FAM120C: variants seen among roughly 807,000 people sequenced by gnomAD.
FAM120C encodes the protein constitutive coactivator of PPAR-gamma-like protein 2.
Under a neutral mutation model 71.2 loss-of-function variants are expected in FAM120C, and 14 were observed. The observed-to-expected ratio is 0.20, with a 90% CI of 0.13 to 0.31. The LOEUF is 0.31. FAM120C is among the 10% of genes least tolerant of loss of function. The pLI is 1.00. For synonymous variants in FAM120C, 354 were observed against 353.2 expected (o/e 1.00, Z -0.03); for missense variants, 500 against 879.0 (o/e 0.57, Z 5.45).
intron 1 of FAM120C, among the ~76,000 whole-genome samples, chrX:54,163,704 A>G (rs1329579293): frequency 1.8e-5 from 2 of 111,146 alleles, no homozygotes; most frequent in Admixed American, 1.9e-4. Flanking sequence ...CTAGGATTCA[A>G]ATTCAGCTCT....
intron 1 of FAM120C, among the ~76,000 whole-genome samples, chrX:54,181,496 C>T (rs2067349676): frequency 8.9e-6 from 1 of 112,138 alleles, no homozygotes; most frequent in African/African-American, 3.2e-5. Context: ...TGCTGCCAAG[C>T]TGTTCCCCAG....
intron 10 of FAM120C, among the ~76,000 whole-genome samples, chrX:54,115,479 G>GT (rs1230521498): frequency 8.9e-6 from 1 of 111,973 alleles, no homozygotes; most frequent in Non-Finnish European, 1.9e-5. Flanking sequence ...AATGAAACAC[G>GT]TATTGTTCAC....
chrX:54,169,419 A>T (rs948913053), intron 1 of FAM120C, among the ~76,000 whole-genome samples: 2 of 112,320 alleles, frequency 1.8e-5, no homozygotes, highest in South Asian at 7.3e-4. Flanking sequence ...TAAAAAAAAT[A>T]ACTAGATTGT....
intron 2 of FAM120C, 123 bp from the exon 3 acceptor site, chrX:54,157,894 ATACT>A (rs1283857320): frequency 1.1e-5 from 5 of 472,053 alleles, no homozygotes; most frequent in South Asian, 1.0e-4. Context: ...TCTTAATGTA[ATACT>A]TACAGTAGTT....
At chrX:54,075,072 C>T (rs1286964910) in intron 15 of FAM120C, among the ~76,000 whole-genome samples, 2 of 111,312 alleles carry the variant, frequency 1.8e-5, no homozygotes, top group Admixed American at 9.6e-5. Flanking sequence ...GTGGGAGGAT[C>T]GCTAAAGCTT....
At chrX:54,172,615 A>G (rs1256930122) in intron 1 of FAM120C, among the ~76,000 whole-genome samples, 1 of 112,018 alleles carries the variant, frequency 8.9e-6, no homozygotes, top group Non-Finnish European at 1.9e-5. Flanking sequence ...ACCTGTGATG[A>G]GTCCAAGAGT....
At chrX:54,090,530 C>T (rs1383755056) in intron 11 of FAM120C, among the ~76,000 whole-genome samples, 2 of 110,269 alleles carry the variant, frequency 1.8e-5, no homozygotes, top group African/African-American at 3.3e-5. Flanking sequence ...TTCTCTCTTA[C>T]GTGCCCTCTC....
chrX:54,098,509 T>C (rs782392766), intron 10 of FAM120C, among the ~76,000 whole-genome samples: 7 of 112,297 alleles, frequency 6.2e-5, no homozygotes, highest in Non-Finnish European at 1.1e-4. Flanking sequence ...CTTGTCTTTT[T>C]GATTATAGCA....
chrX:54,112,153 A>C (rs1238668495), intron 10 of FAM120C, among the ~76,000 whole-genome samples: 1 of 112,206 alleles, frequency 8.9e-6, no homozygotes, highest in East Asian at 2.8e-4. Context: ...GTGGTGGCTT[A>C]TGCCTGTAAT....
Position 54,142,036 on chromosome X carries a change from C to T in FAM120C, c.1159-5446G>A, listed in dbSNP as rs186547078. On this transcript the variant is annotated intron_variant, in intron 4 of 15. Transcript: ENST00000375180. ...ATTCATCTATATATTTAATGCGATT[C>T]CAATAAAAATTGCAGCAATATTTCT... Among the ~76,000 whole-genome samples, 17 of 111,825 alleles carry T rather than the reference C, an allele frequency of 1.5e-4. No individual in the cohort carries two copies. The East Asian group carries it at 4.8e-3, about 32-fold the overall frequency.
chrX:54,075,485 CAAGT>C (rs2066730217), intron 15 of FAM120C, among the ~76,000 whole-genome samples: 1 of 111,956 alleles, frequency 8.9e-6, no homozygotes, highest in South Asian at 3.6e-4. Flanking sequence ...CAAAACATTA[CAAGT>C]AAGTGACTTA....
At chrX:54,169,791 T>A (rs1470440828) in intron 1 of FAM120C, among the ~76,000 whole-genome samples, 1 of 112,572 alleles carries the variant, frequency 8.9e-6, no homozygotes, top group Non-Finnish European at 1.9e-5. Flanking sequence ...CAACTGGAAC[T>A]CTAACTACTA....
At chrX:54,090,584 C>T (rs1244386062) in intron 11 of FAM120C, among the ~76,000 whole-genome samples, 2 of 110,734 alleles carry the variant, frequency 1.8e-5, no homozygotes, top group Non-Finnish European at 3.8e-5. Context: ...TTCCCCTCAC[C>T]TTCTATCATG....
chrX:54,088,079 A>G (rs1301989685), intron 11 of FAM120C, 115 bp from the exon 12 acceptor site: 10 of 600,328 alleles, frequency 1.7e-5, no homozygotes, highest in South Asian at 1.5e-4. Flanking sequence ...CTGTCATTCA[A>G]TGTAGACATC....
chrX:54,113,387 G>A lies in FAM120C; in HGVS notation c.2312+3158C>T, dbSNP rs781952025. On this transcript the variant is annotated intron_variant, in intron 10 of 15. Coordinates refer to ENST00000375180, the MANE Select transcript of FAM120C (RefSeq NM_017848.6). ...AGGCAGGAGAACTGCTTGAGGCTGG[G>A]AGGCTGAGGCTGCAGTGAGCCAAGA... Among the ~76,000 whole-genome samples the A allele has an allele frequency of 1.5e-4, 16 of 109,081 alleles. No homozygotes were observed. In the South Asian group the frequency reaches 6.4e-3, roughly 44 times the overall value. 94.7% of individuals were successfully genotyped at this position (109,081 alleles called of 115,157 possible). A position where few individuals can be genotyped will look rare whatever the true frequency, so the allele number is the denominator to read the frequency against.
intron 4 of FAM120C, among the ~76,000 whole-genome samples, chrX:54,138,495 CAAAAAAAAAAAA>C (rs781947470): frequency 2.4e-5 from 1 of 41,031 alleles, no homozygotes; most frequent in African/African-American, 1.1e-4. Flanking sequence ...GACACTGTCT[CAAAAAAAAAAAA>C]AAAAAAAAAG....
rs1327068526 is a variant in FAM120C at position 54,095,290 on chromosome X, A to G, written c.2313-3864T>C. 9.1e-5 allele frequency among the ~76,000 whole-genome samples: 10 copies of G among 109,628 alleles called. No homozygotes were observed. The Admixed American group carries it at 9.9e-4, about 11-fold the overall frequency. Reference sequence around the variant, plus strand: ...TTATTCTATGTCTATTTCTCATGCCAGCACCATAGTGACTTAAATTTTAAA... The same window carrying G: ...TTATTCTATGTCTATTTCTCATGCCGGCACCATAGTGACTTAAATTTTAAA... On this transcript the variant is annotated intron_variant, in intron 10 of 15. Coordinates refer to ENST00000375180, the MANE Select transcript of FAM120C (RefSeq NM_017848.6).
At chrX:54,147,236 G>A (rs1466224801) in intron 4 of FAM120C, 1 of 110,959 alleles carries the variant, frequency 9.0e-6, no homozygotes, top group East Asian at 2.8e-4. Context: ...GTAATCGCTT[G>A]AAGCAAGGAC....
At chrX:54,166,729 C>A (rs1248657384) in intron 1 of FAM120C, among the ~76,000 whole-genome samples, 2 of 110,956 alleles carry the variant, frequency 1.8e-5, no homozygotes, top group African/African-American at 6.5e-5. Context: ...GTAAAATGTG[C>A]ATATATATAT....
Sources: allele counts gnomAD v4.1 joint callset (sites outside exome capture counted in the v4.1 genomes callset), GRCh38; gene constraint gnomAD v4.1.1; transcripts MANE v1.5; gene names NCBI Gene and HGNC (gene_info 2026-07-23, HGNC 2026-07-21).